The following NKAIN3 variants were observed in gnomAD, a reference collection of about 807,000 sequenced individuals.
NKAIN3 encodes sodium/potassium transporting ATPase interacting 3.
Under a neutral mutation model 30.2 loss-of-function variants are expected in NKAIN3, and 25 were observed. The observed-to-expected ratio is 0.83, with a 90% confidence interval of 0.60 to 1.16. The LOEUF is 1.16. Ranked by LOEUF, NKAIN3 falls within the 50% of genes most tolerant of loss-of-function variation. The pLI is 0.00. For synonymous variants in NKAIN3, 91 were observed against 89.6 expected (o/e 1.02, Z -0.09); for missense variants, 225 against 254.1 (o/e 0.89, Z 0.78).
chr8:62,962,158 G>A (rs1430378089), intron 6 of NKAIN3, among the ~76,000 whole-genome samples: 1 of 151,996 alleles, frequency 6.6e-6, no homozygotes, highest in Non-Finnish European at 1.5e-5. Flanking sequence ...TGTATCCACT[G>A]GTTTATGAAA....
chr8:62,268,674 C>A (rs1812681395), intron 1 of NKAIN3, among the ~76,000 whole-genome samples: 1 of 152,164 alleles, frequency 6.6e-6, no homozygotes, highest in Admixed American at 6.5e-5. Flanking sequence ...AGTATTATCC[C>A]TCTTTTATAG....
intron 3 of NKAIN3, among the ~76,000 whole-genome samples, chr8:62,602,189 A>G (rs894088317): frequency 7.9e-5 from 12 of 152,068 alleles, no homozygotes; most frequent in African/African-American, 2.2e-4. Context: ...ATGCCTTTCC[A>G]TAAGGGTTCA....
chr8:62,734,881 A>G (rs770590088), intron 3 of NKAIN3, among the ~76,000 whole-genome samples: 3 of 152,236 alleles, frequency 2.0e-5, no homozygotes, highest in Non-Finnish European at 4.4e-5. Context: ...ACTGGATACA[A>G]AATTCTTCAC....
At chr8:62,580,152 A>G (rs1810246233) in intron 2 of NKAIN3, among the ~76,000 whole-genome samples, 1 of 152,208 alleles carries the variant, frequency 6.6e-6, no homozygotes, top group Non-Finnish European at 1.5e-5. Context: ...TTACAAGTGC[A>G]TGTATGGATG....
chr8:62,449,741 T>C lies in NKAIN3; in HGVS notation c.55-129798T>C, dbSNP rs1325293392. Among the ~76,000 whole-genome samples, 3 of 152,244 alleles carry C rather than the reference T, an allele frequency of 2.0e-5. No individual in the cohort carries two copies. In the South Asian group the frequency reaches 6.2e-4, roughly 32 times the overall value. On this transcript the variant is annotated intron_variant, in intron 1 of 6. Coordinates refer to ENST00000623646, the MANE Select transcript of NKAIN3 (RefSeq NM_001304533.3). ...TAAGCGTATTTTTCCCCTTTACTTG[T>C]TGATGAGTTTTTGTCTCATTGAGTC...
In NKAIN3 at chr8:62,949,946, A is replaced by G. The variant is rs548468701; in HGVS notation, c.533-3956A>G. ...TTCTAATACTTTTGAAAACCTGTCC[A>G]TACCTTTTCTATTTCTTTTCGTGTT... On this transcript the variant is annotated intron_variant, in intron 5 of 6. Coordinates refer to ENST00000623646, the MANE Select transcript of NKAIN3 (RefSeq NM_001304533.3). 1.6e-4 allele frequency among the ~76,000 whole-genome samples: 25 copies of G among 152,154 alleles called. No individual in the cohort carries two copies. In the South Asian group the frequency reaches 5.0e-3, roughly 30 times the overall value.
intron 1 of NKAIN3, among the ~76,000 whole-genome samples, chr8:62,343,498 A>G (rs1389780628): frequency 3.3e-5 from 5 of 152,054 alleles, no homozygotes; most frequent in South Asian, 4.1e-4. Context: ...TTTAACAAAC[A>G]TTTAAACAAG....
intron 3 of NKAIN3, among the ~76,000 whole-genome samples, chr8:62,619,174 C>T (rs185379812): frequency 1.3e-5 from 2 of 152,264 alleles, no homozygotes; most frequent in Admixed American, 6.5e-5. Flanking sequence ...GGACTACAAG[C>T]TCATTGGTAC....
At chr8:62,254,153 C>CGTGTGTGTGT (rs10629239) in intron 1 of NKAIN3, among the ~76,000 whole-genome samples, 35 of 137,046 alleles carry the variant, frequency 2.6e-4, no homozygotes, top group African/African-American at 8.3e-4. Flanking sequence ...GCTTGGGTAT[C>CGTGTGTGTGT]GTGTGTGTGT....
chr8:62,577,466 G>GTT (rs5891863), intron 1 of NKAIN3, among the ~76,000 whole-genome samples: 179 of 118,550 alleles, frequency 1.5e-3, no homozygotes, highest in Middle Eastern at 8.3e-3. Flanking sequence ...TTTTTTTGTT[G>GTT]TTTTTTTTTT....
At chr8:62,835,429 A>G (rs1289473077) in intron 4 of NKAIN3, among the ~76,000 whole-genome samples, 1 of 152,148 alleles carries the variant, frequency 6.6e-6, no homozygotes, top group Non-Finnish European at 1.5e-5. Flanking sequence ...GCATTCAACA[A>G]AGATCTAATA....
intron 1 of NKAIN3, among the ~76,000 whole-genome samples, chr8:62,339,035 G>C (rs999071280): frequency 2.0e-5 from 3 of 151,956 alleles, no homozygotes; most frequent in African/African-American, 7.2e-5. Context: ...GAGGCTCTCT[G>C]CTCTGAGTAG....
intron 4 of NKAIN3, among the ~76,000 whole-genome samples, chr8:62,915,444 A>G (rs1822065698): frequency 6.6e-6 from 1 of 152,148 alleles, no homozygotes; most frequent in Non-Finnish European, 1.5e-5. Context: ...TAGCTGAAAA[A>G]GGCAAGGAAA....
intron 3 of NKAIN3, among the ~76,000 whole-genome samples, chr8:62,633,634 C>T (rs1812034358): frequency 6.6e-6 from 1 of 152,136 alleles, no homozygotes; most frequent in Non-Finnish European, 1.5e-5. Context: ...TGAAGTCGTG[C>T]CCACAACCTT....
chr8:62,630,496 G>A (rs1186875100), intron 3 of NKAIN3, among the ~76,000 whole-genome samples: 1 of 152,062 alleles, frequency 6.6e-6, no homozygotes, highest in East Asian at 1.9e-4. Flanking sequence ...AAGGCTGACA[G>A]GAGATCTGAT....
At chr8:62,752,677 C>A (rs1265516468) in intron 4 of NKAIN3, among the ~76,000 whole-genome samples, 1 of 152,158 alleles carries the variant, frequency 6.6e-6, no homozygotes, top group East Asian at 1.9e-4. Flanking sequence ...AAAAGCTACT[C>A]TTTAACTTCT....
In NKAIN3 at chr8:62,602,614, C is replaced by A. The variant is rs76234652; in HGVS notation, c.273+12820C>A. Among the ~76,000 whole-genome samples, 182 of 152,194 alleles carry A rather than the reference C, an allele frequency of 1.2e-3. 3 individuals carry two copies. In the East Asian group the frequency reaches 0.033, roughly 27 times the overall value. The stretch of plus-strand genomic sequence containing the variant: ...CATCTATTCTTTCCCCTTACCAAAG[C>A]TGACCTTGTTTTAGGCCTTGACCTC... On this transcript the variant is annotated intron_variant, in intron 3 of 6. Coordinates refer to ENST00000623646, the MANE Select transcript of NKAIN3 (RefSeq NM_001304533.3).
At chr8:62,365,479 A>G (rs1254153164) in intron 1 of NKAIN3, among the ~76,000 whole-genome samples, 1 of 152,116 alleles carries the variant, frequency 6.6e-6, no homozygotes, top group African/African-American at 2.4e-5. Flanking sequence ...ATTTATCCAT[A>G]TTGTTGTATG....
chr8:62,813,128 G>A lies in NKAIN3; in HGVS notation c.471+65999G>A, dbSNP rs141872459. 9.4e-3 allele frequency among the ~76,000 whole-genome samples: 1,421 copies of A among 151,766 alleles called. 26 individuals carry two copies. The highest frequency in any genetic ancestry group is 0.033 in the African/African-American group (1,358 of 41,436). On this transcript the variant is annotated intron_variant, in intron 4 of 6. Transcript: ENST00000623646. ...TGTCCTTTCCCATTAAATGTTCTTGGCTCCTTTTTTGAAAATCAGTTGGAT... is the reference window on the plus strand; with the variant it reads ...TGTCCTTTCCCATTAAATGTTCTTGACTCCTTTTTTGAAAATCAGTTGGAT...
Sources: allele counts gnomAD v4.1 joint callset (sites outside exome capture counted in the v4.1 genomes callset), GRCh38; gene constraint gnomAD v4.1.1; transcripts MANE v1.5; gene names NCBI Gene and HGNC (gene_info 2026-07-23, HGNC 2026-07-21).